Variants in GLB1L3 observed in about 807,000 individuals in gnomAD.
GLB1L3 encodes the protein galactosidase beta 1 like 3.
GLB1L3 carries 89 observed loss-of-function variants against 89.5 expected under a neutral mutation model. The ratio of observed to expected loss-of-function variants is 0.99; its 90% CI spans 0.84 to 1.19. GLB1L3 has a LOEUF of 1.19. Ranked by LOEUF, GLB1L3 falls within the 50% of genes most tolerant of loss-of-function variation. The probability of loss-of-function intolerance (pLI) is 0.00; values close to 1 mark genes in which losing one functional copy is unlikely to be tolerated. For synonymous variants in GLB1L3, 314 were observed against 312.3 expected, an observed-to-expected ratio of 1.01 and a Z score of -0.06; for missense variants, 812 against 813.3, an observed-to-expected ratio of 1.00 and a Z score of 0.02.
At chr11:134,309,922 C>A in intron 11 of GLB1L3, 159 bp downstream of exon 11, 1 of 765,860 alleles carries the variant, frequency 1.3e-6, no homozygotes, top group Non-Finnish European at 2.1e-6. Context: ...TCTGTATGTT[C>A]ATAATGCCCC....
chr11:134,292,709 T>A (rs1163292524), intron 8 of GLB1L3: 5 of 274,480 alleles, frequency 1.8e-5, no homozygotes, highest in Admixed American at 1.0e-4. Flanking sequence ...GACGGACTCA[T>A]CAGATGGCAA....
chr11:134,319,743 TGTGTGC>T (rs753434113), downstream of GLB1L3, among the ~76,000 whole-genome samples: 94 of 139,244 alleles, frequency 6.8e-4, no homozygotes, highest in Middle Eastern at 3.6e-3. Context: ...TGTGTGTGTG[TGTGTGC>T]GCGCGCGCGT....
rs1940430777 is a variant in GLB1L3, at chr11:134,277,333, C to T, written c.31C>T (p.Leu11Phe). The change falls in exon 2 of 20, where the codon CTC becomes TTC. Residue 11 changes from leucine (L) to phenylalanine (F), a missense_variant. Physicochemically the swap from Leu to Phe is conservative, Grantham distance 22. Transcript: ENST00000431683. ...TGTCCTTTCTCCTTTCAGCCCGTGTCTCTCCTGGAAGAGAATGGCGGGCAT... is the reference window on the plus strand; with the variant it reads ...TGTCCTTTCTCCTTTCAGCCCGTGTTTCTCCTGGAAGAGAATGGCGGGCAT... MKSPPLLSPC[L>F]SWKRMAGIFF... is the part of the protein sequence containing the mutation. The T allele has an allele frequency of 6.2e-7, 1 of 1,613,972 alleles. No individual in the cohort carries two copies.
intron 10 of GLB1L3, among the ~76,000 whole-genome samples, chr11:134,308,454 A>G (rs1942463790): frequency 1.1e-4 from 4 of 37,040 alleles, no homozygotes; most frequent in Non-Finnish European, 2.0e-4. Flanking sequence ...CATCACCACC[A>G]CCACCACCAC....
intron 1 of GLB1L3, 48 bp from the exon 2 acceptor site, chr11:134,277,278 G>A (rs1463548799): frequency 7.4e-6 from 12 of 1,612,510 alleles, no homozygotes; most frequent in Non-Finnish European, 1.0e-5. Context: ...TTGCAGCCCG[G>A]TGGGGCCGGA....
chr11:134,300,013 T>A (rs1941857258), intron 9 of GLB1L3, among the ~76,000 whole-genome samples: 1 of 152,190 alleles, frequency 6.6e-6, no homozygotes, highest in African/African-American at 2.4e-5. Flanking sequence ...GGTCTGGCAG[T>A]GGCGGTGGCT....
chr11:134,277,048 GC>G (rs1406977200), intron 1 of GLB1L3: 1 of 566,948 alleles, frequency 1.8e-6, no homozygotes, highest in African/African-American at 1.9e-5. Flanking sequence ...CTGGAAGTGC[GC>G]CCGCCTCCGC....
intron 9 of GLB1L3, chr11:134,305,330 T>C (rs1942149150): frequency 2.0e-6 from 1 of 488,702 alleles, no homozygotes; most frequent in Admixed American, 3.6e-5. Context: ...GCTTCTTACT[T>C]AGGAGAAATT....
In GLB1L3 at chr11:134,292,115, G is replaced by T; in HGVS notation, c.730-17G>T. ...GAATGAGGGAATTGGGTTCATTTTG[G>T]TTAATTTTCTCAACAGGCCCTGCTG... On this transcript the variant is annotated splice_polypyrimidine_tract_variant and intron_variant, in intron 7 of 19. Coordinates refer to ENST00000431683, the MANE Select transcript of GLB1L3 (RefSeq NM_001080407.3). The T allele has an allele frequency of 5.6e-6, 9 of 1,605,858 alleles. No individual in the cohort carries two copies. Among genetic ancestry groups the T allele is most frequent in the Non-Finnish European group, 6.8e-6 (8 of 1,173,228 alleles).
intron 9 of GLB1L3, 65 bp from the exon 10 acceptor site, chr11:134,307,059 C>T (rs1942237399): frequency 2.6e-6 from 3 of 1,162,604 alleles, no homozygotes; most frequent in Non-Finnish European, 3.8e-6. Context: ...CTATTGCATT[C>T]AGGTTTTCTG....
In GLB1L3 at chr11:134,307,211, G is replaced by C. The variant is rs1489546468; in HGVS notation, c.961+3G>C. ...GCACCATGTTAAAGATGCAAAGGGT[G>C]AGTGTTTTGCAGTGTTTGACTCCAG... On this transcript the variant is annotated splice_donor_region_variant and intron_variant, in intron 10 of 19. Transcript: ENST00000431683. The C allele has an allele frequency of 1.9e-6, 3 of 1,608,886 alleles. No individual in the cohort carries two copies. Among genetic ancestry groups the C allele is most frequent in the Non-Finnish European group, 2.6e-6 (3 of 1,175,810 alleles).
rs1943117142 is a variant in GLB1L3 at position 134,319,262 on chromosome 11, AT to A, written c.*326del. ...AGCCACCACTCCCGGCCGTGAACAT[AT>A]TTTTTGGGTTGCTGGAGTTCATCTA... is the stretch of plus-strand genomic sequence containing the variant. On this transcript the variant is annotated 3_prime_UTR_variant, in exon 20 of 20. Transcript: ENST00000431683. The A allele has an allele frequency of 1.7e-5, 4 of 231,726 alleles. No homozygotes were observed. Among genetic ancestry groups the A allele is most frequent in the South Asian group, 1.0e-4 (1 of 10,044 alleles). 14.4% of individuals were successfully genotyped at this position (231,726 alleles called of 1,614,324 possible).
At chr11:134,299,552 A>C (rs1941832842) in intron 9 of GLB1L3, among the ~76,000 whole-genome samples, 1 of 151,904 alleles carries the variant, frequency 6.6e-6, no homozygotes, top group Non-Finnish European at 1.5e-5. Flanking sequence ...TTCTGGTGGT[A>C]CCTTGTGTCA....
intron 5 of GLB1L3, 117 bp from the exon 6 acceptor site, chr11:134,283,620 G>A (rs573381094): frequency 7.8e-5 from 48 of 613,824 alleles, no homozygotes; most frequent in African/African-American, 7.6e-4. Flanking sequence ...AGTGCTCCGG[G>A]ACCGGGGGTG....
At chr11:134,320,141 A>T (rs1013647601), downstream of GLB1L3, among the ~76,000 whole-genome samples, 2 of 152,140 alleles carry the variant, frequency 1.3e-5, no homozygotes, top group African/African-American at 4.8e-5. Flanking sequence ...ATTCAAACCA[A>T]TGCACTATAA....
downstream of GLB1L3, among the ~76,000 whole-genome samples, chr11:134,322,531 A>G (rs1474261180): frequency 6.6e-6 from 1 of 152,170 alleles, no homozygotes; most frequent in Non-Finnish European, 1.5e-5. Flanking sequence ...GAACATTTTC[A>G]TCACTCCAGA....
chr11:134,293,533 C>A (rs970583388), intron 9 of GLB1L3, among the ~76,000 whole-genome samples: 1 of 152,086 alleles, frequency 6.6e-6, no homozygotes, highest in Non-Finnish European at 1.5e-5. Context: ...TCACGGAGGC[C>A]TCCCAGGGAG....
rs1432847052 is a variant in GLB1L3, at chr11:134,312,279, CA to C, written c.1288-69del. 2.6e-6 allele frequency: 4 copies of C among 1,552,758 alleles called. 1 individual carries two copies. The African/African-American group carries it at 5.4e-5, about 21-fold the overall frequency. Reference sequence around the variant, plus strand: ...GGGACCATTAGGCAGGACCAAATGACAGGGTCTTAGGAAGGAGGATCCTGAC... The same window carrying C: ...GGGACCATTAGGCAGGACCAAATGACGGGTCTTAGGAAGGAGGATCCTGAC... On this transcript the variant is annotated intron_variant, in intron 13 of 19. Coordinates refer to ENST00000431683, the MANE Select transcript of GLB1L3 (RefSeq NM_001080407.3).
chr11:134,308,535 C>CCATCACCATCAT (rs1942505036), intron 10 of GLB1L3, among the ~76,000 whole-genome samples: 1 of 71,550 alleles, frequency 1.4e-5, no homozygotes, highest in Admixed American at 1.3e-4. Flanking sequence ...ACCACCACTA[C>CCATCACCATCAT]CACCACCATC....
Sources: allele counts gnomAD v4.1 joint callset (sites outside exome capture counted in the v4.1 genomes callset), GRCh38; gene constraint gnomAD v4.1.1; transcripts MANE v1.5; gene names NCBI Gene and HGNC (gene_info 2026-07-23, HGNC 2026-07-21).